Variants in KLHL12 observed in about 807,000 individuals in gnomAD.
KLHL12 encodes kelch like family member 12.
Under a neutral mutation model 60.8 loss-of-function variants are expected in KLHL12, and 17 were observed. The ratio of observed to expected loss-of-function variants is 0.28; its 90% confidence interval spans 0.19 to 0.42. The LOEUF (loss-of-function observed/expected upper bound fraction) is 0.42, where lower values mean the gene tolerates loss of function less well. Ranked by LOEUF, KLHL12 falls within the 10% of genes least tolerant of loss-of-function variation. KLHL12 has a pLI of 1.00. For missense variants in KLHL12, 468 were observed against 722.3 expected, an observed-to-expected ratio of 0.65 and a Z score of 4.04; for synonymous variants, 220 against 250.9, an observed-to-expected ratio of 0.88 and a Z score of 1.16.
chr1:202,911,768 G>A lies in KLHL12; in HGVS notation c.568-565C>T, dbSNP rs188583551. The A allele has an allele frequency of 5.1e-4, 340 of 663,732 alleles. No individual in the cohort carries two copies. The African/African-American group carries it at 5.3e-3, about 10-fold the overall frequency. The allele number at this position is 663,732 out of a possible 1,614,324, so 41.1% of individuals were successfully genotyped here. A position where few individuals can be genotyped will look rare whatever the true frequency, so the allele number is the denominator to read the frequency against. ...CATTATCGCCTTTCTGCCTGTGGACGCCGCCGAAGAAGCATCTTTAAAGTC... is the reference window on the plus strand; with the variant it reads ...CATTATCGCCTTTCTGCCTGTGGACACCGCCGAAGAAGCATCTTTAAAGTC... On this transcript the variant is annotated intron_variant, in intron 4 of 11. Coordinates refer to ENST00000367261, the MANE Select transcript of KLHL12 (RefSeq NM_021633.4).
In KLHL12 at chr1:202,892,043, C is replaced by A. The variant is rs781048770; in HGVS notation, c.*490G>T. 6.6e-6 allele frequency: 1 copy of A among 150,468 alleles called. No individual in the cohort carries two copies. Among genetic ancestry groups the A allele is most frequent in the Non-Finnish European group, 1.5e-5 (1 of 67,836 alleles). 9.3% of individuals were successfully genotyped at this position (150,468 alleles called of 1,614,324 possible). ...TTCCCTCTAGAATGGAACTGTGTTGCCCCTAGCTACCTGTATATGAGAAAA... is the reference window on the plus strand; with the variant it reads ...TTCCCTCTAGAATGGAACTGTGTTGACCCTAGCTACCTGTATATGAGAAAA... On this transcript the variant is annotated 3_prime_UTR_variant, in exon 12 of 12. Coordinates refer to ENST00000367261, the MANE Select transcript of KLHL12 (RefSeq NM_021633.4).
chr1:202,892,011 CTT>C lies in KLHL12; in HGVS notation c.*520_*521del, dbSNP rs1185284009. ...TCCCCAAAGTTTTGTGGGGCTCTCC[CTT>C]TTGTTTCCCTCTAGAATGGAACTGT... On this transcript the variant is annotated 3_prime_UTR_variant, in exon 12 of 12. Transcript: ENST00000367261. 1.3e-5 allele frequency: 2 copies of C among 150,984 alleles called. No homozygotes were observed. Among genetic ancestry groups the C allele is most frequent in the African/African-American group, 4.9e-5 (2 of 41,062 alleles). 9.4% of individuals were successfully genotyped at this position (150,984 alleles called of 1,614,324 possible).
intron 5 of KLHL12, among the ~76,000 whole-genome samples, chr1:202,910,377 G>T (rs1358975737): frequency 1.3e-5 from 2 of 152,190 alleles, no homozygotes; most frequent in Admixed American, 1.3e-4. Flanking sequence ...AGGAGAAAAA[G>T]AGTTTGAGAT....
At chr1:202,924,778 C>T (rs1489407555) in intron 2 of KLHL12, among the ~76,000 whole-genome samples, 190 bp downstream of exon 2, 1 of 152,152 alleles carries the variant, frequency 6.6e-6, no homozygotes, top group Non-Finnish European at 1.5e-5. Flanking sequence ...TTACATATTA[C>T]TATTATCCCT....
rs769320889 is a variant in KLHL12 at position 202,892,625 on chromosome 1, A to C, written c.1615T>G (p.Cys539Gly). ...CAGCTGTCGATGATAGGGTCATAAC[A>C]TTCAATGCTACTTAGCAGGGAATTA... ...DGNSLLSSIE[C>G]YDPIIDSWEV... Residue 539 changes from cysteine to glycine, a missense_variant, in exon 12 of 12, where the codon TGT becomes GGT. This residue lies in a region of KLHL12 where 68 missense variants were observed against 119.8 expected (regional missense o/e 0.57). Coordinates refer to ENST00000367261, the MANE Select transcript of KLHL12 (RefSeq NM_021633.4). 8 of 1,614,076 alleles carry C rather than the reference A, an allele frequency of 5.0e-6. No homozygotes were observed. The Admixed American group carries it at 1.3e-4, about 27-fold the overall frequency.
intron 6 of KLHL12, among the ~76,000 whole-genome samples, chr1:202,902,362 G>A (rs1393383132): frequency 6.6e-6 from 1 of 150,664 alleles, no homozygotes; most frequent in Non-Finnish European, 1.5e-5. Flanking sequence ...CTTGGGAAGT[G>A]GAGACTGCAG....
At chr1:202,905,813 G>A (rs1405094627) in intron 6 of KLHL12, among the ~76,000 whole-genome samples, 4 of 151,314 alleles carry the variant, frequency 2.6e-5, no homozygotes, top group Admixed American at 1.3e-4. Flanking sequence ...TACCCAACCC[G>A]ATTTTTTTTT....
chr1:202,927,185 AGC>A lies in KLHL12; in HGVS notation c.-144_-143del. 1 of 985,148 alleles carries A rather than the reference AGC, an allele frequency of 1.0e-6. No homozygotes were observed. The allele number at this position is 985,148 out of a possible 1,614,324, so 61.0% of individuals were successfully genotyped here. ...TAGCAGGCGGCTCGGGAGGAGCCGA[AGC>A]GCCGCCCAGACCCGGAGGCTCTGGA... is the stretch of plus-strand genomic sequence containing the variant. On this transcript the variant is annotated 5_prime_UTR_variant, in exon 1 of 12. Coordinates refer to ENST00000367261, the MANE Select transcript of KLHL12 (RefSeq NM_021633.4).
intron 2 of KLHL12, among the ~76,000 whole-genome samples, chr1:202,920,999 T>C (rs1660680317): frequency 6.6e-6 from 1 of 152,026 alleles, no homozygotes; most frequent in African/African-American, 2.4e-5. Context: ...CTATCATCTG[T>C]CCTTAGACTA....
intron 6 of KLHL12, among the ~76,000 whole-genome samples, chr1:202,906,506 A>G (rs1660196114): frequency 6.6e-6 from 1 of 150,920 alleles, no homozygotes; most frequent in Admixed American, 6.6e-5. Context: ...GAAAGGCAAA[A>G]TTGGGAGTTT....
chr1:202,903,035 C>A (rs1660059287), intron 6 of KLHL12, among the ~76,000 whole-genome samples: 1 of 151,122 alleles, frequency 6.6e-6, no homozygotes, highest in South Asian at 2.1e-4. Context: ...GTGGCATACG[C>A]CTGTAGTCCC....
chr1:202,905,752 A>T (rs1660162555), intron 6 of KLHL12, among the ~76,000 whole-genome samples: 1 of 152,110 alleles, frequency 6.6e-6, no homozygotes, highest in African/African-American at 2.4e-5. Context: ...GTTGGCACTC[A>T]AAGTTTTAGA....
intron 2 of KLHL12, among the ~76,000 whole-genome samples, chr1:202,922,555 G>C (rs1157711411): frequency 1.3e-5 from 2 of 150,754 alleles, no homozygotes; most frequent in African/African-American, 4.9e-5. Context: ...GGCGTGATCT[G>C]GGCTCACTGC....
Position 202,904,776 on chromosome 1 carries a change from T to C in KLHL12, c.832+4234A>G, listed in dbSNP as rs532123750. On this transcript the variant is annotated intron_variant, in intron 6 of 11. Coordinates refer to ENST00000367261, the MANE Select transcript of KLHL12 (RefSeq NM_021633.4). The stretch of plus-strand genomic sequence containing the variant: ...TAGAGAAATAAGGCAGATGCAGGAC[T>C]GCTAAAATAACAGGGTTCAGAGACT... Among the ~76,000 whole-genome samples the C allele has an allele frequency of 4.6e-5, 7 of 152,188 alleles. No individual in the cohort carries two copies. The South Asian group carries it at 1.4e-3, about 31-fold the overall frequency.
chr1:202,913,698 G>A (rs548989151), intron 4 of KLHL12, among the ~76,000 whole-genome samples: 10 of 152,260 alleles, frequency 6.6e-5, no homozygotes, highest in South Asian at 2.1e-4. Context: ...AAGGCCTCCC[G>A]GAAGAAGCAA....
chr1:202,918,453 T>C (rs1487458660), intron 3 of KLHL12, 65 bp from the exon 4 acceptor site: 3 of 1,232,866 alleles, frequency 2.4e-6, no homozygotes, highest in South Asian at 2.5e-5. Flanking sequence ...GGATATATTC[T>C]TGTATCTCAG....
intron 1 of KLHL12, among the ~76,000 whole-genome samples, chr1:202,926,436 T>C (rs919084247): frequency 6.6e-6 from 1 of 152,170 alleles, no homozygotes; most frequent in Admixed American, 6.5e-5. Context: ...ATAAGCACTA[T>C]AGATAATTCC....
At chr1:202,896,268 C>T (rs780168678) in intron 7 of KLHL12, among the ~76,000 whole-genome samples, 1 of 152,156 alleles carries the variant, frequency 6.6e-6, no homozygotes, top group Non-Finnish European at 1.5e-5. Flanking sequence ...TTCACTGCAA[C>T]CTCGAACTCC....
chr1:202,917,650 A>C (rs1660563586), intron 4 of KLHL12, among the ~76,000 whole-genome samples: 1 of 152,178 alleles, frequency 6.6e-6, no homozygotes. Context: ...ACTCCTGAGC[A>C]AAGGTTTATT....
Sources: gnomAD v4.1 joint callset for allele counts (sites outside exome capture counted in the v4.1 genomes callset) on GRCh38, gnomAD v4.1.1 for gene constraint, gnomAD v4.1.1 regional missense constraint, MANE v1.5 for transcripts, NCBI Gene and HGNC (gene_info 2026-07-23, HGNC 2026-07-21) for gene names.